Variants in TRIM71 observed in about 807,000 individuals in gnomAD.
TRIM71 encodes E3 ubiquitin-protein ligase TRIM71.
Under a neutral mutation model 61.2 loss-of-function variants are expected in TRIM71, and 9 were observed. That is an observed-to-expected ratio of 0.15 (90% CI 0.09 to 0.26). The LOEUF (loss-of-function observed/expected upper bound fraction) is 0.26, where lower values mean the gene tolerates loss of function less well. Ranked by LOEUF, TRIM71 falls within the 10% of genes least tolerant of loss-of-function variation. TRIM71 has a pLI of 1.00. For missense variants in TRIM71, 998 were observed against 1,238.7 expected (o/e 0.81, Z 2.92); for synonymous variants, 645 against 553.2 (o/e 1.17, Z -2.33).
chr3:32,845,661 G>A (rs1373917011), intron 1 of TRIM71, among the ~76,000 whole-genome samples: 1 of 152,044 alleles, frequency 6.6e-6, no homozygotes, highest in Non-Finnish European at 1.5e-5. Flanking sequence ...AAGGGCCTTG[G>A]GATCTTTCAT....
At chr3:32,863,219 T>TC (rs1696693964) in intron 1 of TRIM71, among the ~76,000 whole-genome samples, 1 of 145,526 alleles carries the variant, frequency 6.9e-6, no homozygotes, top group African/African-American at 2.6e-5. Flanking sequence ...TTTTTTTTTT[T>TC]TTGGAGCTGG....
Position 32,818,613 on chromosome 3 carries a change from G to C in TRIM71, c.533G>C (p.Arg178Pro). 2 of 1,403,680 alleles carry C rather than the reference G, an allele frequency of 1.4e-6. No homozygotes were observed. The highest frequency in any genetic ancestry group is 1.6e-5 in the South Asian group (1 of 64,078). The allele number at this position is 1,403,680 out of a possible 1,614,324, so 87.0% of individuals were successfully genotyped here. The change falls in exon 1 of 4, where the codon CGC (arginine) becomes CCC (proline). Residue 178 changes from arginine (R) to proline (P), a missense_variant. Physicochemically the swap from Arg to Pro is moderately radical, Grantham distance 103 (BLOSUM62 -2). This residue lies in a region of TRIM71 where 527 missense variants were observed against 427.8 expected (regional missense o/e 1.23). Coordinates refer to ENST00000383763, the MANE Select transcript of TRIM71 (RefSeq NM_001039111.3). The part of the protein sequence containing the change: ...PQAPQPPAPS[R>P]SAPGGPAASP... The stretch of plus-strand genomic sequence containing the variant: ...GCGCCGCAGCCGCCCGCGCCTTCCC[G>C]CTCGGCACCCGGCGGCCCTGCCGCT...
At chr3:32,888,415 A>G (rs1220636450) in intron 3 of TRIM71, among the ~76,000 whole-genome samples, 1 of 130,966 alleles carries the variant, frequency 7.6e-6, no homozygotes, top group Non-Finnish European at 1.6e-5. Flanking sequence ...CCGTGGCAAC[A>G]TTAAGACCCC....
intron 2 of TRIM71, among the ~76,000 whole-genome samples, chr3:32,874,769 C>T (rs1696836790): frequency 1.3e-5 from 2 of 151,932 alleles, no homozygotes; most frequent in South Asian, 4.2e-4. Context: ...GGTGATACAC[C>T]TGCCTCAGCC....
intron 1 of TRIM71, among the ~76,000 whole-genome samples, chr3:32,850,549 T>G (rs1696526362): frequency 6.6e-6 from 1 of 152,336 alleles, no homozygotes; most frequent in African/African-American, 2.4e-5. Flanking sequence ...CATAGAATGT[T>G]TTAGTCATCC....
chr3:32,889,015 T>C (rs749445200), intron 3 of TRIM71, among the ~76,000 whole-genome samples: 2 of 152,222 alleles, frequency 1.3e-5, no homozygotes, highest in Non-Finnish European at 2.9e-5. Context: ...CCCTCAGTGC[T>C]CTTTGTCTGT....
At chr3:32,822,990 G>T (rs1447556457) in intron 1 of TRIM71, among the ~76,000 whole-genome samples, 1 of 152,128 alleles carries the variant, frequency 6.6e-6, no homozygotes, top group Non-Finnish European at 1.5e-5. Context: ...ACAGAAATGG[G>T]TATTCTAGTA....
chr3:32,818,724 G>T lies in TRIM71; in HGVS notation c.644G>T (p.Cys215Phe). 6.3e-7 allele frequency: 1 copy of T among 1,597,214 alleles called. No homozygotes were observed. Among genetic ancestry groups the T allele is most frequent in the Non-Finnish European group, 8.5e-7 (1 of 1,176,856 alleles). ...GNAASSRCLD[C>F]QEHLCDNCVR... ...GCAGCTTCTTCGCGCTGCCTCGACT[G>T]CCAGGAGCACCTGTGCGACAACTGC... Residue 215 changes from cysteine (C) to phenylalanine (F), a missense_variant, in exon 1 of 4, where the codon TGC (cysteine) becomes TTC (phenylalanine). Transcript: ENST00000383763.
At position 32,845,533 on chromosome 3, in the gene TRIM71, G is replaced by T. The variant is rs139261275; in HGVS notation, c.852+26601G>T. On this transcript the variant is annotated intron_variant, in intron 1 of 3. Transcript: ENST00000383763. ...TCTTCAGTTTGGGGGTTACTCTGGG[G>T]GTTACTCACAGGTACAAACCCTTTC... Among the ~76,000 whole-genome samples the T allele has an allele frequency of 7.2e-5, 11 of 152,178 alleles. No individual in the cohort carries two copies. The East Asian group carries it at 1.9e-3, about 27-fold the overall frequency.
chr3:32,847,592 AC>A (rs1282958370), intron 1 of TRIM71, among the ~76,000 whole-genome samples: 1 of 152,226 alleles, frequency 6.6e-6, no homozygotes, highest in East Asian at 1.9e-4. Flanking sequence ...ATGAGTTGAT[AC>A]AGGGAAGCAT....
chr3:32,889,025 T>TA (rs1696993755), intron 3 of TRIM71, among the ~76,000 whole-genome samples: 1 of 152,234 alleles, frequency 6.6e-6, no homozygotes, highest in African/African-American at 2.4e-5. Context: ...TCTTTGTCTG[T>TA]ATCAGGGCCC....
chr3:32,838,692 T>C lies in TRIM71; in HGVS notation c.852+19760T>C, dbSNP rs145687250. Among the ~76,000 whole-genome samples the C allele has an allele frequency of 9.6e-3, 1,466 of 152,308 alleles. 34 individuals are homozygous for C. Among genetic ancestry groups the C allele is most frequent in the African/African-American group, 0.032 (1,339 of 41,562 alleles). On this transcript the variant is annotated intron_variant, in intron 1 of 3. Transcript: ENST00000383763. ...GCTTGTAGAGGCTAGTGAACACTTA[T>C]GAGAAAGTTCATAGCTTTTCAGGCC...
At chr3:32,875,208 G>T (rs1395043546) in intron 2 of TRIM71, among the ~76,000 whole-genome samples, 1 of 152,188 alleles carries the variant, frequency 6.6e-6, no homozygotes, top group Non-Finnish European at 1.5e-5. Context: ...GTGAGGTTCG[G>T]TGTCTTCAGT....
chr3:32,838,071 G>A (rs191327255), intron 1 of TRIM71, among the ~76,000 whole-genome samples: 1 of 152,250 alleles, frequency 6.6e-6, no homozygotes, highest in East Asian at 1.9e-4. Flanking sequence ...CCGGGTGTTT[G>A]AGGACACAAA....
chr3:32,894,216 GAAA>G lies in TRIM71; in HGVS notation c.*2410_*2412del, dbSNP rs1697056395. The stretch of plus-strand genomic sequence containing the variant: ...CAAAGACAACTGGTTTTAAATGCTT[GAAA>G]AAAATTTTATTGAGGAGATGGATCT... On this transcript the variant is annotated 3_prime_UTR_variant, in exon 4 of 4. Transcript: ENST00000383763. 1 of 151,992 alleles carries G rather than the reference GAAA, an allele frequency of 6.6e-6. No individual in the cohort carries two copies. Among genetic ancestry groups the G allele is most frequent in the Admixed American group, 6.5e-5 (1 of 15,272 alleles). 9.4% of individuals were successfully genotyped at this position (151,992 alleles called of 1,614,324 possible).
At chr3:32,857,061 C>G (rs369129910) in intron 1 of TRIM71, among the ~76,000 whole-genome samples, 2 of 152,162 alleles carry the variant, frequency 1.3e-5, no homozygotes, top group East Asian at 3.9e-4. Context: ...AAAGTTGTGT[C>G]CTGGCCTCCT....
intron 1 of TRIM71, among the ~76,000 whole-genome samples, chr3:32,866,707 G>A (rs894753564): frequency 6.6e-6 from 1 of 152,076 alleles, no homozygotes; most frequent in South Asian, 2.1e-4. Context: ...TGTGATTGTG[G>A]GGCCTGGTCC....
At chr3:32,821,597 A>T (rs1226988309) in intron 1 of TRIM71, among the ~76,000 whole-genome samples, 1 of 151,910 alleles carries the variant, frequency 6.6e-6, no homozygotes, top group Non-Finnish European at 1.5e-5. Context: ...ACTTGCTGCT[A>T]CTCTTTTATT....
chr3:32,829,946 C>CT (rs1696251220), intron 1 of TRIM71, among the ~76,000 whole-genome samples: 2 of 42,008 alleles, frequency 4.8e-5, no homozygotes, highest in African/African-American at 1.9e-4. Flanking sequence ...TTTTTTTTTT[C>CT]GAGATGGAGT....
Sources: gnomAD v4.1 joint callset for allele counts (sites outside exome capture counted in the v4.1 genomes callset) on GRCh38, gnomAD v4.1.1 for gene constraint, gnomAD v4.1.1 regional missense constraint, MANE v1.5 for transcripts, NCBI Gene and HGNC (gene_info 2026-07-23, HGNC 2026-07-21) for gene names.